FAM81A: variants seen among roughly 807,000 people sequenced by gnomAD.
The protein encoded by FAM81A is family with sequence similarity 81 member A.
Under a neutral mutation model 46.7 loss-of-function variants are expected in FAM81A, and 19 were observed. That is an observed-to-expected ratio of 0.41 (90% CI 0.28 to 0.60). FAM81A has a LOEUF of 0.60. FAM81A is among the 20% of genes least tolerant of loss of function. The probability of loss-of-function intolerance (pLI) is 0.34; values close to 1 mark genes in which losing one functional copy is unlikely to be tolerated. For synonymous variants in FAM81A, 183 were observed against 152.9 expected (o/e 1.20, Z -1.45); for missense variants, 377 against 453.5 (o/e 0.83, Z 1.53).
chr15:59,467,189 G>A (rs551173847), intron 3 of FAM81A, among the ~76,000 whole-genome samples: 2 of 152,270 alleles, frequency 1.3e-5, no homozygotes, highest in East Asian at 3.9e-4. Flanking sequence ...TGGCAATTCA[G>A]GCTCTTTTTT....
chr15:59,471,163 G>C (rs193008440), intron 3 of FAM81A, among the ~76,000 whole-genome samples: 43 of 152,220 alleles, frequency 2.8e-4, no homozygotes, highest in Admixed American at 2.5e-3. Context: ...TTTGAGACTT[G>C]TTTGGTGGCC....
At chr15:59,506,641 C>T (rs2082152453) in intron 4 of FAM81A, among the ~76,000 whole-genome samples, 1 of 152,148 alleles carries the variant, frequency 6.6e-6, no homozygotes, top group Non-Finnish European at 1.5e-5. Context: ...CGACAGAGGC[C>T]CCACACAGCT....
intron 1 of FAM81A, among the ~76,000 whole-genome samples, chr15:59,453,281 G>A (rs2081441211): frequency 1.3e-5 from 2 of 152,186 alleles, no homozygotes; most frequent in African/African-American, 4.8e-5. Context: ...TCTTGGCCAT[G>A]TGATGTTGGG....
chr15:59,521,024 G>A (rs1230403184), intron 8 of FAM81A, among the ~76,000 whole-genome samples: 7 of 152,162 alleles, frequency 4.6e-5, no homozygotes, highest in African/African-American at 1.7e-4. Flanking sequence ...GGTTAAAGGG[G>A]TATATGACAG....
chr15:59,499,132 A>G (rs1362840451), intron 4 of FAM81A, among the ~76,000 whole-genome samples: 3 of 152,006 alleles, frequency 2.0e-5, no homozygotes, highest in Non-Finnish European at 2.9e-5. Flanking sequence ...CCTTTTTTCA[A>G]TTGATAAGGT....
intron 8 of FAM81A, 109 bp downstream of exon 8, chr15:59,516,949 T>C (rs1277467539): frequency 4.0e-6 from 4 of 1,012,578 alleles, no homozygotes; most frequent in Non-Finnish European, 5.5e-6. Context: ...GTAATAACCG[T>C]GAAATATCCT....
At chr15:59,413,591 A>G (rs1301924602) in intron 2 of FAM81A, among the ~76,000 whole-genome samples, 1 of 152,118 alleles carries the variant, frequency 6.6e-6, no homozygotes, top group Non-Finnish European at 1.5e-5. Context: ...CAGAGTTCTA[A>G]GCCATTATCT....
chr15:59,425,622 A>G (rs990598629), intron 2 of FAM81A, among the ~76,000 whole-genome samples: 16 of 151,730 alleles, frequency 1.1e-4, no homozygotes, highest in Non-Finnish European at 2.2e-4. Flanking sequence ...CTATTCTTTT[A>G]TTTGTTTATT....
chr15:59,459,802 A>G, intron 2 of FAM81A, 131 bp from the exon 3 acceptor site: 11 of 1,308,862 alleles, frequency 8.4e-6, no homozygotes, highest in South Asian at 1.6e-5. Flanking sequence ...TTAGGCAGAA[A>G]TCCTGCCTCA....
intron 1 of FAM81A, among the ~76,000 whole-genome samples, chr15:59,454,825 C>T (rs1034965664): frequency 4.0e-5 from 6 of 151,682 alleles, no homozygotes; most frequent in Admixed American, 6.6e-5. Context: ...TTTGTAGAGA[C>T]GGGGTTTTGC....
chr15:59,486,033 G>A lies in FAM81A; in HGVS notation c.295-6238G>A, dbSNP rs866742346. 4.6e-5 allele frequency among the ~76,000 whole-genome samples: 7 copies of A among 152,284 alleles called. No individual in the cohort carries two copies. In the South Asian group the frequency reaches 1.4e-3, roughly 32 times the overall value. On this transcript the variant is annotated intron_variant, in intron 3 of 8. Coordinates refer to ENST00000288228, the MANE Select transcript of FAM81A (RefSeq NM_152450.3). ...ATCTGTACTAAAAATACGGAAATTA[G>A]CCAGGTGTGGTGGTGGGTGCCTGTA...
chr15:59,478,559 G>A (rs2081803780), intron 3 of FAM81A, among the ~76,000 whole-genome samples: 1 of 152,072 alleles, frequency 6.6e-6, no homozygotes, highest in South Asian at 2.1e-4. Context: ...GCATTTTACT[G>A]AAAAAGGGAA....
intron 1 of FAM81A, among the ~76,000 whole-genome samples, chr15:59,457,614 TG>T (rs2081500546): frequency 6.6e-6 from 1 of 152,226 alleles, no homozygotes; most frequent in East Asian, 1.9e-4. Context: ...AAGAACTCTT[TG>T]GGCACCATAG....
At chr15:59,471,599 C>A (rs1333473876) in intron 3 of FAM81A, among the ~76,000 whole-genome samples, 10 of 151,820 alleles carry the variant, frequency 6.6e-5, no homozygotes, top group African/African-American at 2.4e-4. Context: ...GTAGCTGGGA[C>A]TACAGACACA....
intron 1 of FAM81A, among the ~76,000 whole-genome samples, chr15:59,448,550 T>C (rs1288365567): frequency 1.3e-5 from 2 of 152,176 alleles, no homozygotes; most frequent in African/African-American, 2.4e-5. Flanking sequence ...GGTAGATAGA[T>C]AGATAGATAA....
At chr15:59,472,052 C>T (rs963152401) in intron 3 of FAM81A, among the ~76,000 whole-genome samples, 2 of 152,142 alleles carry the variant, frequency 1.3e-5, no homozygotes, top group Non-Finnish European at 2.9e-5. Flanking sequence ...TTTGGATTTA[C>T]CTTTCTTTCA....
At chr15:59,402,766 C>T (rs2081077588) in intron 2 of FAM81A, among the ~76,000 whole-genome samples, 1 of 152,002 alleles carries the variant, frequency 6.6e-6, no homozygotes, top group South Asian at 2.1e-4. Context: ...GTTAGCCAGG[C>T]TGGTCTCGAA....
intron 6 of FAM81A, among the ~76,000 whole-genome samples, chr15:59,511,265 GACA>G (rs151053731): frequency 0.027 from 4,147 of 152,240 alleles, 86 homozygotes; most frequent in Non-Finnish European, 0.041. Flanking sequence ...ATAGGTCAAT[GACA>G]ACATCTAAAT....
intron 2 of FAM81A, among the ~76,000 whole-genome samples, chr15:59,410,247 G>C (rs1420501598): frequency 1.3e-5 from 2 of 152,070 alleles, no homozygotes; most frequent in Non-Finnish European, 2.9e-5. Flanking sequence ...AGTGAGTTGA[G>C]ATTGCACCAT....
Sources: gnomAD v4.1 joint callset for allele counts (sites outside exome capture counted in the v4.1 genomes callset) on GRCh38, gnomAD v4.1.1 for gene constraint, MANE v1.5 for transcripts, NCBI Gene and HGNC (gene_info 2026-07-23, HGNC 2026-07-21) for gene names.